Variants in SERPINB5 observed in about 807,000 individuals in gnomAD.
SERPINB5 encodes the protein serpin B5.
Under a neutral mutation model 32.2 loss-of-function variants are expected in SERPINB5, and 27 were observed. The ratio of observed to expected loss-of-function variants is 0.84; its 90% CI spans 0.62 to 1.16. The LOEUF is 1.16. Ranked by LOEUF, SERPINB5 falls within the 50% of genes most tolerant of loss-of-function variation. The probability of loss-of-function intolerance (pLI) is 0.00; values close to 1 mark genes in which losing one functional copy is unlikely to be tolerated. For missense variants in SERPINB5, 388 were observed against 436.3 expected, an observed-to-expected ratio of 0.89 and a Z score of 0.99; for synonymous variants, 154 against 157.4, an observed-to-expected ratio of 0.98 and a Z score of 0.16.
chr18:63,478,275 G>C (rs1917068700), intron 1 of SERPINB5, among the ~76,000 whole-genome samples: 2 of 152,164 alleles, frequency 1.3e-5, no homozygotes, highest in South Asian at 4.1e-4. Flanking sequence ...GCTGAGTCTG[G>C]CTGTAAGTTT....
At chr18:63,492,766 G>C (rs1325520912) in intron 4 of SERPINB5, among the ~76,000 whole-genome samples, 187 bp from the exon 5 acceptor site, 5 of 152,090 alleles carry the variant, frequency 3.3e-5, no homozygotes, top group South Asian at 2.1e-4. Context: ...TGACCTCTTT[G>C]GTAGATCTGG....
At chr18:63,477,656 A>G (rs888889827) in intron 1 of SERPINB5, among the ~76,000 whole-genome samples, 4 of 152,226 alleles carry the variant, frequency 2.6e-5, no homozygotes, top group African/African-American at 9.6e-5. Context: ...ATAACTTTAA[A>G]CAAGTTACAC....
rs144814891 is a variant in SERPINB5, at chr18:63,503,684, C to G, written c.1090C>G (p.Arg364Gly). Residue 364 changes from arginine (R) to glycine (G), a missense_variant, in exon 7 of 7, where the codon CGA becomes GGA. By Grantham distance (125) the Arg-to-Gly change is moderately radical (BLOSUM62 -2). Coordinates refer to ENST00000382771, the MANE Select transcript of SERPINB5 (RefSeq NM_002639.5). ...TTACATCATCAGGCACAACAAAACT[C>G]GAAACATTATTTTCTTTGGCAAATT... Reference protein sequence around the residue: ...FIYIIRHNKTRNIIFFGKFCS... With the variant: ...FIYIIRHNKTGNIIFFGKFCS... The G allele has an allele frequency of 3.2e-5, 51 of 1,614,048 alleles. No individual in the cohort carries two copies. The highest frequency in any genetic ancestry group is 4.0e-5 in the Non-Finnish European group (47 of 1,180,034).
At chr18:63,487,839 G>A (rs1401498901) in intron 3 of SERPINB5, among the ~76,000 whole-genome samples, 1 of 152,066 alleles carries the variant, frequency 6.6e-6, no homozygotes, top group Non-Finnish European at 1.5e-5. Flanking sequence ...TTTCCAAATC[G>A]AAAAGCTAGA....
chr18:63,480,030 G>A (rs192004884), intron 1 of SERPINB5, among the ~76,000 whole-genome samples: 150 of 152,274 alleles, frequency 9.9e-4, no homozygotes, highest in African/African-American at 3.5e-3. Context: ...GCCAGGCTGG[G>A]AGCTAGAAGC....
At chr18:63,489,687 GTTTAC>G (rs1046973127) in intron 4 of SERPINB5, among the ~76,000 whole-genome samples, 2 of 152,140 alleles carry the variant, frequency 1.3e-5, no homozygotes, top group African/African-American at 4.8e-5. Context: ...TTCAGTGTTA[GTTTAC>G]TTTGTCTTGC....
At chr18:63,487,352 G>A (rs1410968539) in intron 3 of SERPINB5, among the ~76,000 whole-genome samples, 1 of 152,162 alleles carries the variant, frequency 6.6e-6, no homozygotes, top group Non-Finnish European at 1.5e-5. Context: ...CTTCCTCTGA[G>A]AGAATGGAGA....
chr18:63,503,628 AG>A lies in SERPINB5; in HGVS notation c.1036del (p.Asp346MetfsTer3), dbSNP rs1446820196. 6.2e-7 allele frequency: 1 copy of A among 1,614,128 alleles called. No homozygotes were observed. Among genetic ancestry groups the A allele is most frequent in the African/African-American group, 1.3e-5 (1 of 74,952 alleles). ...CCAGGAGCACGGATCCTGCAGCACA[AG>A]GATGAATTGAATGCTGACCATCCCT... ...EVPGARILQH[K>X]DELNADHPFI... On this transcript the variant is annotated frameshift_variant, in exon 7 of 7. Transcript: ENST00000382771. LOFTEE classifies it high-confidence loss of function.
rs1909507097 is a variant in SERPINB5 at position 63,498,866 on chromosome 18, T to C, written c.568-254T>C. Among the ~76,000 whole-genome samples the C allele has an allele frequency of 6.6e-6, 1 of 150,608 alleles. No individual in the cohort carries two copies. Among genetic ancestry groups the C allele is most frequent in the Non-Finnish European group, 1.5e-5 (1 of 67,724 alleles). The stretch of plus-strand genomic sequence containing the variant: ...TAGTATGTATATATAAGTGTGTATA[T>C]ATAGGTGTGTGTATATGTATATGTA... On this transcript the variant is annotated intron_variant, in intron 5 of 6. Coordinates refer to ENST00000382771, the MANE Select transcript of SERPINB5 (RefSeq NM_002639.5). This position sits in a 1 kb window ranked among gnomAD's most constrained non-coding sequence, Gnocchi z 4.2.
At chr18:63,477,519 G>A (rs1408013547) in intron 1 of SERPINB5, among the ~76,000 whole-genome samples, 1 of 152,120 alleles carries the variant, frequency 6.6e-6, no homozygotes. Context: ...ACGTTGTAAG[G>A]CTGAGATTTA....
chr18:63,490,238 T>G (rs1016036312), intron 4 of SERPINB5, among the ~76,000 whole-genome samples: 12 of 151,984 alleles, frequency 7.9e-5, no homozygotes, highest in African/African-American at 2.9e-4. Flanking sequence ...CAGCTTGTCC[T>G]CGGTGCCGCA....
At position 63,479,428 on chromosome 18, in the gene SERPINB5, C is replaced by T. The variant is rs142972534; in HGVS notation, c.-8+2383C>T. On this transcript the variant is annotated intron_variant, in intron 1 of 6. Transcript: ENST00000382771. ...CTAGAGAAGTGAGCACGGCCCTACC[C>T]CCAGCCCAGTACATGCGTCTCCATT... Among the ~76,000 whole-genome samples the T allele has an allele frequency of 6.0e-3, 912 of 152,300 alleles. 12 individuals carry two copies. The highest frequency in any genetic ancestry group is 0.014 in the Middle Eastern group (4 of 294).
rs754932036 is a variant in SERPINB5, at chr18:63,484,601, G to A, written c.168+5G>A. On this transcript the variant is annotated splice_donor_5th_base_variant and intron_variant, in intron 2 of 6. Transcript: ENST00000382771. ...ACTGCAAATGAAATTGGACAGGTAA[G>A]CCCCAAAACCTTGTTTCTACTTTAA... The A allele has an allele frequency of 1.2e-6, 2 of 1,609,326 alleles. No homozygotes were observed. Among genetic ancestry groups the A allele is most frequent in the Middle Eastern group, 1.7e-4 (1 of 6,038 alleles).
Position 63,498,895 on chromosome 18 carries a change from ATATG to A in SERPINB5, c.568-216_568-213del, listed in dbSNP as rs910944537. On this transcript the variant is annotated intron_variant, in intron 5 of 6. Transcript: ENST00000382771. This position sits in a 1 kb window ranked among gnomAD's most constrained non-coding sequence, Gnocchi z 4.2. ...GGTGTGTGTATATGTATATGTATGTATATGTATGTATGCATATATATGTATATGT... is the reference window on the plus strand; with the variant it reads ...GGTGTGTGTATATGTATATGTATGTATATGTATGCATATATATGTATATGT... Among the ~76,000 whole-genome samples the A allele has an allele frequency of 2.0e-5, 3 of 150,614 alleles. No individual in the cohort carries two copies. The highest frequency in any genetic ancestry group is 4.9e-5 in the African/African-American group (2 of 41,018).
chr18:63,488,180 AG>A (rs1917243629), intron 3 of SERPINB5, among the ~76,000 whole-genome samples: 1 of 152,182 alleles, frequency 6.6e-6, no homozygotes, highest in South Asian at 2.1e-4. Context: ...TTTTCAGGTG[AG>A]ATTGGTTCTG....
chr18:63,489,386 T>C lies in SERPINB5; in HGVS notation c.346T>C (p.Leu116=), dbSNP rs753105483. 1.1e-5 allele frequency: 18 copies of C among 1,613,228 alleles called. No individual in the cohort carries two copies. The highest frequency in any genetic ancestry group is 1.4e-5 in the Non-Finnish European group (16 of 1,179,596). ...TACGAAGAGACCGTATGCAAAGGAA[T>C]TGGAAACTGTTGACTTCAAAGATAA... is the stretch of plus-strand genomic sequence containing the variant. ...SSTKRPYAKE[L]ETVDFKDKLE... The change falls in exon 4 of 7, where the codon TTG becomes CTG. Residue 116 remains leucine (L), a synonymous_variant. Coordinates refer to ENST00000382771, the MANE Select transcript of SERPINB5 (RefSeq NM_002639.5).
At position 63,504,340 on chromosome 18, in the gene SERPINB5, T is replaced by A. The variant is rs961365760; in HGVS notation, c.*618T>A. On this transcript the variant is annotated 3_prime_UTR_variant, in exon 7 of 7. Transcript: ENST00000382771. ...ATGTTATAGAACTTCATGGATCAGA[T>A]CTGGGGCAGCACCCTATAAATCAAC... 1 of 152,400 alleles carries A rather than the reference T, an allele frequency of 6.6e-6. No homozygotes were observed. Among genetic ancestry groups the A allele is most frequent in the Non-Finnish European group, 1.5e-5 (1 of 68,212 alleles). 9.4% of individuals were successfully genotyped at this position (152,400 alleles called of 1,614,324 possible). A position where few individuals can be genotyped will look rare whatever the true frequency, so the allele number is the denominator to read the frequency against.
In SERPINB5 at chr18:63,498,829, G is replaced by GGT. The variant is rs1228893505; in HGVS notation, c.568-290_568-289dup. ...TGTGCATGTGTGTATATATGTATGG[G>GGT]GTATATATATATAGTATGTATATAT... is the stretch of plus-strand genomic sequence containing the variant. On this transcript the variant is annotated intron_variant, in intron 5 of 6. Transcript: ENST00000382771. The surrounding 1 kb of genome is among the most constrained non-coding windows in gnomAD (Gnocchi z 4.2). 6.9e-5 allele frequency among the ~76,000 whole-genome samples: 10 copies of GGT among 143,944 alleles called. No individual in the cohort carries two copies. Among genetic ancestry groups the GGT allele is most frequent in the Non-Finnish European group, 6.1e-5 (4 of 65,902 alleles). 94.4% of individuals were successfully genotyped at this position (143,944 alleles called of 152,430 possible). A position where few individuals can be genotyped will look rare whatever the true frequency, so the allele number is the denominator to read the frequency against.
At chr18:63,479,265 A>G (rs903155869) in intron 1 of SERPINB5, among the ~76,000 whole-genome samples, 2 of 152,172 alleles carry the variant, frequency 1.3e-5, no homozygotes, top group Non-Finnish European at 2.9e-5. Context: ...TCCCAGGCAA[A>G]GTGGGATGTA....
Sources: gnomAD v4.1 joint callset for allele counts (sites outside exome capture counted in the v4.1 genomes callset) on GRCh38, gnomAD v4.1.1 for gene constraint, Gnocchi (gnomAD v3.1) non-coding constraint, MANE v1.5 for transcripts, NCBI Gene and HGNC (gene_info 2026-07-23, HGNC 2026-07-21) for gene names.